The following CEP89 variants were observed in gnomAD, a reference collection of about 807,000 sequenced individuals.
The protein encoded by CEP89 is centrosomal protein 89.
A neutral mutation model predicts 97.6 loss-of-function variants in CEP89; 95 were observed. The observed-to-expected ratio is 0.97, with a 90% CI of 0.82 to 1.15. The LOEUF (loss-of-function observed/expected upper bound fraction) is 1.15, where lower values mean the gene tolerates loss of function less well. Among genes scored for constraint, CEP89 ranks in the 50% most tolerant of loss-of-function variants. The pLI is 0.00. For synonymous variants in CEP89, 354 were observed against 349.1 expected (o/e 1.01, Z -0.16); for missense variants, 869 against 947.7 (o/e 0.92, Z 1.09).
At chr19:32,959,134 A>T (rs1403461443) in intron 3 of CEP89, among the ~76,000 whole-genome samples, 1 of 150,714 alleles carries the variant, frequency 6.6e-6, no homozygotes, top group Non-Finnish European at 1.5e-5. Flanking sequence ...GTGTCTTCCC[A>T]CCACTCCAAA....
At chr19:32,888,598 G>T (rs1969448123) in intron 16 of CEP89, among the ~76,000 whole-genome samples, 1 of 151,586 alleles carries the variant, frequency 6.6e-6, no homozygotes, top group Admixed American at 6.6e-5. Flanking sequence ...CACGAGAATG[G>T]CTTGAACCCA....
At chr19:32,935,587 T>C (rs1970563098) in intron 7 of CEP89, among the ~76,000 whole-genome samples, 1 of 152,140 alleles carries the variant, frequency 6.6e-6, no homozygotes, top group Non-Finnish European at 1.5e-5. Flanking sequence ...GAATACAGCA[T>C]TGAAAATGCT....
chr19:32,910,265 C>CAGAGAGAGAGAGAGAGAGAGAG (rs71336978), intron 14 of CEP89, among the ~76,000 whole-genome samples: 4 of 140,570 alleles, frequency 2.8e-5, no homozygotes, highest in African/African-American at 1.1e-4. Flanking sequence ...GACTCTGCCT[C>CAGAGAGAGAGAGAGAGAGAGAG]AGAGAGAGAG....
intron 8 of CEP89, among the ~76,000 whole-genome samples, chr19:32,933,148 C>G (rs1486834207): frequency 6.6e-6 from 1 of 152,020 alleles, no homozygotes; most frequent in African/African-American, 2.4e-5. Context: ...TTATGCTTCT[C>G]TTAGGGATAA....
intron 8 of CEP89, among the ~76,000 whole-genome samples, chr19:32,931,955 G>A (rs1970484599): frequency 6.6e-6 from 1 of 152,228 alleles, no homozygotes; most frequent in African/African-American, 2.4e-5. Context: ...GCCGAGGCGG[G>A]TGGATCACGA....
chr19:32,961,779 G>A (rs1325039839), intron 2 of CEP89, among the ~76,000 whole-genome samples: 1 of 151,680 alleles, frequency 6.6e-6, no homozygotes, highest in Non-Finnish European at 1.5e-5. Context: ...GAATAGCTGG[G>A]ACTATAGGCA....
Position 32,966,417 on chromosome 19 carries a change from G to A in CEP89, c.89C>T (p.Ala30Val). 6.4e-7 allele frequency: 1 copy of A among 1,564,824 alleles called. No homozygotes were observed. Among genetic ancestry groups the A allele is most frequent in the Non-Finnish European group, 8.7e-7 (1 of 1,153,018 alleles). ...LLPAASVAPKAAVPRTPPPRS... is the reference protein window; with the variant it reads ...LLPAASVAPKVAVPRTPPPRS... ...GGGAGGAGGTGTGCGTGGCACAGCT[G>A]CCTTCGGAGCAACGCTGGCTGCAGG... The change falls in exon 2 of 19, where the codon GCA becomes GTA. Residue 30 changes from alanine (A) to valine (V), a missense_variant. Transcript: ENST00000305768.
intron 14 of CEP89, among the ~76,000 whole-genome samples, chr19:32,913,673 T>C (rs1244794191): frequency 6.7e-6 from 1 of 149,290 alleles, no homozygotes; most frequent in African/African-American, 2.5e-5. Flanking sequence ...AGTCTCGCTC[T>C]TGTCCCCCAG....
chr19:32,887,348 G>A (rs1046991233), intron 17 of CEP89, among the ~76,000 whole-genome samples: 2 of 151,656 alleles, frequency 1.3e-5, no homozygotes, highest in Non-Finnish European at 2.9e-5. Flanking sequence ...CTCGAGAGAA[G>A]CTGAGACTAC....
chr19:32,937,771 A>C (rs1431419960), intron 6 of CEP89, 98 bp from the exon 7 acceptor site: 1 of 817,554 alleles, frequency 1.2e-6, no homozygotes, highest in Non-Finnish European at 2.1e-6. Context: ...GTATATAAGC[A>C]TGCTTTATTT....
At chr19:32,932,734 T>C (rs1236432715) in intron 8 of CEP89, among the ~76,000 whole-genome samples, 3 of 150,978 alleles carry the variant, frequency 2.0e-5, no homozygotes, top group Non-Finnish European at 4.4e-5. Context: ...AGGCCAGGAG[T>C]TTGAGACCAG....
At chr19:32,886,197 T>TGG (rs1969391448) in intron 17 of CEP89, among the ~76,000 whole-genome samples, 1 of 152,222 alleles carries the variant, frequency 6.6e-6, no homozygotes, top group South Asian at 2.1e-4. Context: ...ACACTTTTCC[T>TGG]GGTAAGTTTT....
rs1470328692 is a variant in CEP89 at position 32,959,832 on chromosome 19, T to C, written c.305+68A>G. The C allele has an allele frequency of 1.9e-5, 30 of 1,577,284 alleles. No individual in the cohort carries two copies. In the East Asian group the frequency reaches 6.8e-4, roughly 36 times the overall value. On this transcript the variant is annotated intron_variant, in intron 3 of 18. Coordinates refer to ENST00000305768, the MANE Select transcript of CEP89 (RefSeq NM_032816.5). ...ACATGTACGCATGCACACATACACG[T>C]AGAGACCAGGCTGAGCCTGCCCCTC... is the stretch of plus-strand genomic sequence containing the variant.
chr19:32,962,705 A>T (rs1042998843), intron 2 of CEP89, among the ~76,000 whole-genome samples: 4 of 152,208 alleles, frequency 2.6e-5, no homozygotes, highest in African/African-American at 9.6e-5. Flanking sequence ...GAGAGAAAAG[A>T]CTTGCAAATC....
At chr19:32,963,859 AAACT>A (rs1971221509) in intron 2 of CEP89, 1 of 151,902 alleles carries the variant, frequency 6.6e-6, no homozygotes, top group Admixed American at 6.6e-5. Flanking sequence ...ATGTGGATGA[AAACT>A]AACCACTGAC....
chr19:32,898,344 TGGA>T (rs1969686786), intron 16 of CEP89, among the ~76,000 whole-genome samples: 1 of 151,122 alleles, frequency 6.6e-6, no homozygotes, highest in Non-Finnish European at 1.5e-5. Context: ...CTCATGGAGG[TGGA>T]GATTATAATG....
chr19:32,887,029 CAAAA>C (rs35547876), intron 17 of CEP89, among the ~76,000 whole-genome samples: 3 of 130,930 alleles, frequency 2.3e-5, no homozygotes, highest in African/African-American at 8.3e-5. Flanking sequence ...AAAAAAAATA[CAAAA>C]AAAAAAAAAT....
rs576116183 is a variant in CEP89, at chr19:32,901,491, G to C, written c.1566-79C>G. On this transcript the variant is annotated intron_variant, in intron 14 of 18. Coordinates refer to ENST00000305768, the MANE Select transcript of CEP89 (RefSeq NM_032816.5). ...GGCAGTCACATAACGAGGAAGATGA[G>C]TGATAACAGCCCAGCCCTCCAGCCC... The C allele has an allele frequency of 5.3e-5, 77 of 1,442,572 alleles. 2 individuals carry two copies. In the South Asian group the frequency reaches 9.5e-4, roughly 18 times the overall value. The allele number at this position is 1,442,572 out of a possible 1,614,324, so 89.4% of individuals were successfully genotyped here.
chr19:32,971,599 GTGAGCTATGA>G, intron 1 of CEP89: 1 of 591,468 alleles, frequency 1.7e-6, no homozygotes, highest in Non-Finnish European at 3.0e-6. Flanking sequence ...CGAGGATGCA[GTGAGCTATGA>G]TCGCACCACT....
Sources: gnomAD v4.1 joint callset for allele counts (sites outside exome capture counted in the v4.1 genomes callset) on GRCh38, gnomAD v4.1.1 for gene constraint, MANE v1.5 for transcripts, NCBI Gene and HGNC (gene_info 2026-07-23, HGNC 2026-07-21) for gene names.